Variants in ME2 observed in about 807,000 individuals in gnomAD.
The protein encoded by ME2 is NAD-dependent malic enzyme, mitochondrial.
In ME2, 60 loss-of-function variants were observed where a neutral mutation model predicts 73.7. The observed-to-expected ratio is 0.81, with a 90% confidence interval of 0.66 to 1.01. The LOEUF (loss-of-function observed/expected upper bound fraction) is 1.01. Ranked by LOEUF, ME2 falls within the 50% of genes least tolerant of loss-of-function variation. The pLI is 0.00. For synonymous variants in ME2, 199 were observed against 236.9 expected (o/e 0.84, Z 1.47); for missense variants, 594 against 705.5 (o/e 0.84, Z 1.79).
chr18:50,921,715 CT>C (rs1168032607), intron 10 of ME2, among the ~76,000 whole-genome samples: 1 of 152,082 alleles, frequency 6.6e-6, no homozygotes, highest in African/African-American at 2.4e-5. Context: ...GCTACCGTGC[CT>C]GGCCGTGAGC....
At chr18:50,901,915 G>T (rs544981510) in intron 2 of ME2, among the ~76,000 whole-genome samples, 1 of 151,982 alleles carries the variant, frequency 6.6e-6, no homozygotes, top group Non-Finnish European at 1.5e-5. Context: ...TGCTATCTAC[G>T]TTTTTTTCTT....
chr18:50,910,268 CAAAAAAAAAAA>C (rs74176794), intron 3 of ME2, among the ~76,000 whole-genome samples: 2 of 35,290 alleles, frequency 5.7e-5, no homozygotes, highest in African/African-American at 2.4e-4. Context: ...CCTGTTTCTA[CAAAAAAAAAAA>C]AAAAAAAAAA....
chr18:50,919,638 A>G (rs894468242), intron 7 of ME2, among the ~76,000 whole-genome samples: 4 of 152,058 alleles, frequency 2.6e-5, no homozygotes, highest in African/African-American at 9.7e-5. Flanking sequence ...TTGTCTTCGT[A>G]TCATAGTAGC....
chr18:50,883,085 A>T (rs1187231488), intron 1 of ME2, among the ~76,000 whole-genome samples: 1 of 152,252 alleles, frequency 6.6e-6, no homozygotes, highest in Non-Finnish European at 1.5e-5. Flanking sequence ...AATATTATGA[A>T]AAACTATATT....
At chr18:50,901,907 C>T (rs1916901098) in intron 2 of ME2, among the ~76,000 whole-genome samples, 1 of 152,180 alleles carries the variant, frequency 6.6e-6, no homozygotes, top group South Asian at 2.1e-4. Flanking sequence ...GTAACTCCTG[C>T]TATCTACGTT....
chr18:50,902,306 C>T (rs940559251), intron 2 of ME2, among the ~76,000 whole-genome samples: 4 of 152,080 alleles, frequency 2.6e-5, no homozygotes, highest in African/African-American at 9.7e-5. Context: ...TAACTTCTCC[C>T]GGCTAGTTCT....
intron 13 of ME2, chr18:50,939,236 A>G (rs149852531): frequency 1.1e-3 from 181 of 171,760 alleles, no homozygotes; most frequent in African/African-American, 3.9e-3. Flanking sequence ...AAAAATTGTC[A>G]TTGCCTCTGT....
chr18:50,938,331 A>AT lies in ME2; in HGVS notation c.1418-1230dup, dbSNP rs928000609. Among the ~76,000 whole-genome samples the AT allele has an allele frequency of 3.2e-3, 486 of 151,892 alleles. 4 individuals carry two copies. The highest frequency in any genetic ancestry group is 0.011 in the African/African-American group (455 of 41,430). On this transcript the variant is annotated intron_variant, in intron 13 of 15. Coordinates refer to ENST00000321341, the MANE Select transcript of ME2 (RefSeq NM_002396.5). The stretch of plus-strand genomic sequence containing the variant: ...AGAGCGAGACCCTGTTGCCAAAAAA[A>AT]TTTTTTTTTAAAAGGGATCCTACAT...
chr18:50,889,003 A>T (rs1200960271), intron 1 of ME2, among the ~76,000 whole-genome samples: 1 of 152,074 alleles, frequency 6.6e-6, no homozygotes, highest in South Asian at 2.1e-4. Flanking sequence ...CAATATTTGT[A>T]TTTATACTAG....
intron 1 of ME2, among the ~76,000 whole-genome samples, chr18:50,887,965 A>G (rs1040371513): frequency 6.6e-6 from 1 of 152,226 alleles, no homozygotes; most frequent in African/African-American, 2.4e-5. Flanking sequence ...ATAGACATAA[A>G]ATAATTGAAG....
At chr18:50,905,322 A>G (rs769730804) in intron 2 of ME2, among the ~76,000 whole-genome samples, 1 of 152,128 alleles carries the variant, frequency 6.6e-6, no homozygotes, top group African/African-American at 2.4e-5. Flanking sequence ...TCTATCTTAG[A>G]CTAGATAATC....
At chr18:50,940,109 ATTTATTG>A in intron 14 of ME2, 172 bp from the exon 15 acceptor site, 2 of 567,314 alleles carry the variant, frequency 3.5e-6, no homozygotes, top group East Asian at 6.1e-5. Context: ...AAATCTGGTT[ATTTATTG>A]TTTAGTGATG....
intron 13 of ME2, chr18:50,933,189 G>C (rs1000846161): frequency 1.3e-5 from 2 of 152,108 alleles, no homozygotes; most frequent in African/African-American, 4.8e-5. Flanking sequence ...CTGCCTTTGT[G>C]CTGTATTTTC....
At chr18:50,897,444 G>C (rs1050806038) in intron 2 of ME2, among the ~76,000 whole-genome samples, 2 of 152,104 alleles carry the variant, frequency 1.3e-5, no homozygotes. Flanking sequence ...AAATAATGTC[G>C]GCCAGGCACA....
At chr18:50,892,381 A>G (rs1334053289) in intron 1 of ME2, among the ~76,000 whole-genome samples, 1 of 152,266 alleles carries the variant, frequency 6.6e-6, no homozygotes, top group Non-Finnish European at 1.5e-5. Context: ...CTCTAAAAAA[A>G]TAAAAATGTA....
chr18:50,888,401 A>G (rs941841618), intron 1 of ME2, among the ~76,000 whole-genome samples: 3 of 151,864 alleles, frequency 2.0e-5, no homozygotes, highest in Admixed American at 2.0e-4. Flanking sequence ...GAAAAATGGG[A>G]TTTAGAAAGG....
intron 2 of ME2, among the ~76,000 whole-genome samples, chr18:50,900,637 C>G (rs1348046547): frequency 6.6e-6 from 1 of 152,134 alleles, no homozygotes; most frequent in African/African-American, 2.4e-5. Flanking sequence ...TGATTTGGCT[C>G]TGCATCACCA....
chr18:50,905,700 G>C (rs1382166231), intron 2 of ME2, among the ~76,000 whole-genome samples: 2 of 152,180 alleles, frequency 1.3e-5, no homozygotes, highest in Non-Finnish European at 2.9e-5. Flanking sequence ...ATTGGCAGTT[G>C]GTTGAGTTAT....
intron 2 of ME2, among the ~76,000 whole-genome samples, chr18:50,898,453 C>A (rs972902514): frequency 1.3e-5 from 2 of 152,016 alleles, no homozygotes; most frequent in East Asian, 3.8e-4. Context: ...TTTTTTGAGA[C>A]AGGTTCTCAC....
Sources: gnomAD v4.1 joint callset for allele counts (sites outside exome capture counted in the v4.1 genomes callset) on GRCh38, gnomAD v4.1.1 for gene constraint, MANE v1.5 for transcripts, NCBI Gene and HGNC (gene_info 2026-07-23, HGNC 2026-07-21) for gene names.